The following PARD3B variants were observed in gnomAD, a reference collection of about 807,000 sequenced individuals.
The protein encoded by PARD3B is partitioning defective 3 homolog B.
Under a neutral mutation model 130.2 loss-of-function variants are expected in PARD3B, and 103 were observed. That is an observed-to-expected ratio of 0.79 (90% CI 0.67 to 0.93). PARD3B has a LOEUF of 0.93. Among genes scored for constraint, PARD3B ranks in the 40% least tolerant of loss-of-function variants. PARD3B has a pLI of 0.00. For synonymous variants in PARD3B, 583 were observed against 553.2 expected, an observed-to-expected ratio of 1.05 and a Z score of -0.76; for missense variants, 1,609 against 1,499.2, an observed-to-expected ratio of 1.07 and a Z score of -1.21.
intron 2 of PARD3B, among the ~76,000 whole-genome samples, chr2:204,736,461 T>C (rs745617278): frequency 2.0e-5 from 3 of 152,088 alleles, no homozygotes; most frequent in Non-Finnish European, 2.9e-5. Context: ...TAATGTCTAT[T>C]ATATCACTCT....
chr2:205,235,084 G>T (rs183490196), intron 15 of PARD3B, among the ~76,000 whole-genome samples: 15 of 152,164 alleles, frequency 9.9e-5, no homozygotes, highest in Admixed American at 9.2e-4. Flanking sequence ...CTTAGAAAAG[G>T]AAGAAAGATT....
intron 1 of PARD3B, among the ~76,000 whole-genome samples, chr2:204,577,695 C>T (rs1233128829): frequency 6.6e-6 from 1 of 152,076 alleles, no homozygotes; most frequent in Non-Finnish European, 1.5e-5. Flanking sequence ...CTTCAGCCTC[C>T]TAAGGAGCTG....
At chr2:204,828,796 G>C (rs1401711275) in intron 2 of PARD3B, among the ~76,000 whole-genome samples, 2 of 152,148 alleles carry the variant, frequency 1.3e-5, no homozygotes, top group African/African-American at 4.8e-5. Flanking sequence ...CAAAGAGTTA[G>C]CTACTCTTTT....
intron 1 of PARD3B, among the ~76,000 whole-genome samples, chr2:204,582,175 C>T (rs903323806): frequency 6.6e-6 from 1 of 152,144 alleles, no homozygotes; most frequent in Non-Finnish European, 1.5e-5. Flanking sequence ...GTTGCTTAAA[C>T]GTACAGCCCA....
intron 2 of PARD3B, among the ~76,000 whole-genome samples, chr2:204,739,787 G>C (rs1323862041): frequency 6.6e-6 from 1 of 151,952 alleles, no homozygotes; most frequent in Non-Finnish European, 1.5e-5. Flanking sequence ...TTTTCTCAAT[G>C]TAAGATAAAC....
At chr2:205,384,450 A>T (rs534286485) in intron 18 of PARD3B, among the ~76,000 whole-genome samples, 53 of 152,116 alleles carry the variant, frequency 3.5e-4, no homozygotes, top group Non-Finnish European at 5.3e-4. Context: ...CTGAGTAGGG[A>T]TTTTGTGTCT....
At chr2:205,330,195 G>T (rs1320836106) in intron 18 of PARD3B, among the ~76,000 whole-genome samples, 1 of 151,546 alleles carries the variant, frequency 6.6e-6, no homozygotes, top group Non-Finnish European at 1.5e-5. Context: ...ACAGAAATTA[G>T]CCGGGCATGG....
At chr2:205,058,487 T>A (rs1699868950) in intron 4 of PARD3B, among the ~76,000 whole-genome samples, 1 of 151,944 alleles carries the variant, frequency 6.6e-6, no homozygotes, top group African/African-American at 2.4e-5. Context: ...TAGGGTTTAT[T>A]CTAATTTTCA....
Position 205,615,828 on chromosome 2 carries a change from G to A in PARD3B, c.*15G>A. The stretch of plus-strand genomic sequence containing the variant: ...CAGCCGTATAGCTGAGTGCCACCGA[G>A]GCCAGCCCGGTCCAGAAAGGAAGGT... On this transcript the variant is annotated 3_prime_UTR_variant, in exon 23 of 23. Coordinates refer to ENST00000406610, the MANE Select transcript of PARD3B (RefSeq NM_001302769.2). 1 of 1,590,726 alleles carries A rather than the reference G, an allele frequency of 6.3e-7. No homozygotes were observed. The highest frequency in any genetic ancestry group is 8.6e-7 in the Non-Finnish European group (1 of 1,165,472).
chr2:205,113,456 A>G, intron 5 of PARD3B, 35 bp from the exon 6 acceptor site: 2 of 1,486,382 alleles, frequency 1.3e-6, no homozygotes, highest in Non-Finnish European at 1.9e-6. Context: ...TTTTTAGCAG[A>G]CACTCATTTG....
chr2:205,396,177 A>G (rs1392542929), intron 18 of PARD3B, among the ~76,000 whole-genome samples: 2 of 151,862 alleles, frequency 1.3e-5, no homozygotes, highest in Admixed American at 6.6e-5. Flanking sequence ...GCTTAAATCT[A>G]TTTTTTTCAC....
intron 1 of PARD3B, among the ~76,000 whole-genome samples, chr2:204,644,296 ACTC>A (rs2125158276): frequency 6.8e-6 from 1 of 146,024 alleles, no homozygotes; most frequent in Admixed American, 6.9e-5. Flanking sequence ...TTATTTTACT[ACTC>A]AAAGTGCATG....
chr2:204,789,396 A>G (rs2042122586), intron 2 of PARD3B, among the ~76,000 whole-genome samples: 1 of 152,180 alleles, frequency 6.6e-6, no homozygotes, highest in Non-Finnish European at 1.5e-5. Flanking sequence ...ATTTTGTGAC[A>G]AAGTATTAAT....
intron 18 of PARD3B, among the ~76,000 whole-genome samples, chr2:205,359,615 A>G (rs1434951747): frequency 6.6e-6 from 1 of 152,224 alleles, no homozygotes. Context: ...GGATATATCC[A>G]CAAATAATTA....
intron 22 of PARD3B, among the ~76,000 whole-genome samples, chr2:205,605,410 G>A (rs1249817342): frequency 1.3e-5 from 2 of 152,132 alleles, no homozygotes; most frequent in Non-Finnish European, 2.9e-5. Context: ...GGGGTTTTTT[G>A]TTGGTAGTGG....
At chr2:205,255,320 GTT>G (rs771252333) in intron 16 of PARD3B, among the ~76,000 whole-genome samples, 1 of 152,038 alleles carries the variant, frequency 6.6e-6, no homozygotes, top group Admixed American at 6.5e-5. Flanking sequence ...GAGAAAAACA[GTT>G]TTTTTCTATT....
intron 2 of PARD3B, among the ~76,000 whole-genome samples, chr2:204,712,042 A>T (rs2038465104): frequency 6.6e-6 from 1 of 152,182 alleles, no homozygotes; most frequent in East Asian, 1.9e-4. Context: ...TAGGAAAATC[A>T]ATACTCCTTG....
intron 1 of PARD3B, among the ~76,000 whole-genome samples, chr2:204,602,445 T>TA (rs879706193): frequency 3.3e-5 from 5 of 150,604 alleles, no homozygotes; most frequent in African/African-American, 7.4e-5. Flanking sequence ...AAAAACAGTT[T>TA]AAAAAAAAAT....
chr2:205,601,259 T>C (rs1009982672), intron 22 of PARD3B, among the ~76,000 whole-genome samples: 2 of 152,212 alleles, frequency 1.3e-5, no homozygotes, highest in Admixed American at 1.3e-4. Flanking sequence ...ATCAATGACG[T>C]TGACCTTTTT....
Sources: gnomAD v4.1 joint callset for allele counts (sites outside exome capture counted in the v4.1 genomes callset) on GRCh38, gnomAD v4.1.1 for gene constraint, MANE v1.5 for transcripts, NCBI Gene and HGNC (gene_info 2026-07-23, HGNC 2026-07-21) for gene names.